The following TBC1D5 variants were observed in gnomAD, a reference collection of about 807,000 sequenced individuals.
TBC1D5 encodes the protein TBC1 domain family member 5.
In TBC1D5, 75 loss-of-function variants were observed where a neutral mutation model predicts 100.3. That is an observed-to-expected ratio of 0.75 (90% confidence interval 0.62 to 0.91). The LOEUF (loss-of-function observed/expected upper bound fraction) is 0.91, where lower values mean the gene tolerates loss of function less well. Ranked by LOEUF, TBC1D5 falls within the 40% of genes least tolerant of loss-of-function variation. TBC1D5 has a pLI of 0.00. For synonymous variants in TBC1D5, 323 were observed against 325.6 expected, an observed-to-expected ratio of 0.99 and a Z score of 0.09; for missense variants, 910 against 942.4, an observed-to-expected ratio of 0.97 and a Z score of 0.45.
At chr3:17,446,941 A>T (rs931824510) in intron 3 of TBC1D5, among the ~76,000 whole-genome samples, 2 of 151,858 alleles carry the variant, frequency 1.3e-5, no homozygotes, top group African/African-American at 4.8e-5. Flanking sequence ...ACTGCACTCC[A>T]GCCTGGGCGA....
chr3:17,550,097 G>A (rs1332700804), intron 2 of TBC1D5, among the ~76,000 whole-genome samples: 1 of 152,020 alleles, frequency 6.6e-6, no homozygotes, highest in Non-Finnish European at 1.5e-5. Flanking sequence ...AATTTAATAT[G>A]AAGGATGATG....
chr3:17,511,394 TTTC>T, intron 2 of TBC1D5, among the ~76,000 whole-genome samples: 1 of 152,148 alleles, frequency 6.6e-6, no homozygotes, highest in South Asian at 2.1e-4. Context: ...AGTAGCTGAA[TTTC>T]TTATTTTTAC....
intron 3 of TBC1D5, among the ~76,000 whole-genome samples, chr3:17,437,288 T>C (rs2094552747): frequency 6.6e-6 from 1 of 152,288 alleles, no homozygotes; most frequent in South Asian, 2.1e-4. Flanking sequence ...TCTGCTATGA[T>C]AACACAAAAC....
intron 2 of TBC1D5, among the ~76,000 whole-genome samples, chr3:17,529,648 TA>T (rs201044762): frequency 0.057 from 8,592 of 151,742 alleles, 507 homozygotes; most frequent in African/African-American, 0.15. Context: ...TTATTATTAT[TA>T]TTTTTATTTT....
At chr3:17,507,193 C>T (rs73153069) in intron 3 of TBC1D5, among the ~76,000 whole-genome samples, 10,486 of 152,066 alleles carry the variant, frequency 0.069, 712 homozygotes, top group African/African-American at 0.18. Flanking sequence ...TATTTAACTA[C>T]GAATGCTTCT....
At chr3:17,540,810 G>C (rs971105821) in intron 2 of TBC1D5, among the ~76,000 whole-genome samples, 2 of 149,936 alleles carry the variant, frequency 1.3e-5, no homozygotes, top group Admixed American at 6.7e-5. Context: ...GGGAAGCTGA[G>C]GCAGGAGAAT....
chr3:17,240,877 T>C (rs2149088721), intron 16 of TBC1D5, among the ~76,000 whole-genome samples: 1 of 152,286 alleles, frequency 6.6e-6, no homozygotes, highest in South Asian at 2.1e-4. Flanking sequence ...TAGAGCATTA[T>C]CAAGAGAATA....
intron 2 of TBC1D5, among the ~76,000 whole-genome samples, chr3:17,578,903 C>CA (rs1409610877): frequency 4.0e-5 from 6 of 151,870 alleles, no homozygotes; most frequent in Admixed American, 1.3e-4. Flanking sequence ...CTAAATAATC[C>CA]AAAACCCTGA....
chr3:17,392,520 C>T (rs925758927), intron 8 of TBC1D5, among the ~76,000 whole-genome samples: 19 of 152,172 alleles, frequency 1.2e-4, no homozygotes, highest in Middle Eastern at 3.4e-3. Flanking sequence ...CCTAAACCCC[C>T]GACCCCGCAA....
chr3:17,434,333 T>C (rs1362501436), intron 3 of TBC1D5, among the ~76,000 whole-genome samples: 3 of 152,334 alleles, frequency 2.0e-5, no homozygotes, highest in South Asian at 4.1e-4. Context: ...CCATATATCA[T>C]CTGAAATCTA....
chr3:17,598,506 T>C (rs1408745399), intron 2 of TBC1D5, among the ~76,000 whole-genome samples: 3 of 152,228 alleles, frequency 2.0e-5, no homozygotes, highest in Non-Finnish European at 2.9e-5. Flanking sequence ...AACATTTGTT[T>C]CAGAGTTCTT....
chr3:17,468,577 T>A (rs959840380), intron 3 of TBC1D5, among the ~76,000 whole-genome samples: 9 of 152,188 alleles, frequency 5.9e-5, no homozygotes, highest in African/African-American at 2.2e-4. Flanking sequence ...TCTGTTAGAA[T>A]GCAAGCTCCA....
chr3:17,508,467 A>T lies in TBC1D5; in HGVS notation c.97+7T>A. 6.2e-7 allele frequency: 1 copy of T among 1,611,154 alleles called. No homozygotes were observed. The highest frequency in any genetic ancestry group is 2.2e-5 in the East Asian group (1 of 44,834). On this transcript the variant is annotated splice_region_variant and intron_variant, in intron 3 of 21. Coordinates refer to ENST00000253692, the Ensembl canonical transcript of TBC1D5. ...ACCTACAAATAGTATTGGCATACAA[A>T]ACTCACCTCCAGACTTGTTAGAGTA... is the stretch of plus-strand genomic sequence containing the variant.
intron 2 of TBC1D5, among the ~76,000 whole-genome samples, chr3:17,589,026 T>C (rs1444085853): frequency 6.6e-6 from 1 of 152,228 alleles, no homozygotes; most frequent in Admixed American, 6.5e-5. Context: ...TAAATTTGTA[T>C]ATAACCAGTG....
chr3:17,573,459 T>A (rs774815334), intron 2 of TBC1D5, among the ~76,000 whole-genome samples: 2 of 152,078 alleles, frequency 1.3e-5, no homozygotes, highest in African/African-American at 2.4e-5. Flanking sequence ...GCACTGCAAT[T>A]TGAAACTATT....
chr3:17,557,853 A>G (rs1377514260), intron 2 of TBC1D5, among the ~76,000 whole-genome samples: 4 of 152,326 alleles, frequency 2.6e-5, no homozygotes, highest in Middle Eastern at 3.4e-3. Flanking sequence ...AGACACAAAG[A>G]AAGACACAGC....
intron 2 of TBC1D5, among the ~76,000 whole-genome samples, chr3:17,540,954 A>C (rs2096348902): frequency 6.6e-6 from 1 of 151,370 alleles, no homozygotes; most frequent in African/African-American, 2.4e-5. Flanking sequence ...AAAAAGAAAA[A>C]AATCAGTTGA....
At chr3:17,374,393 C>G in intron 12 of TBC1D5, 78 bp downstream of exon 12, 1 of 1,378,066 alleles carries the variant, frequency 7.3e-7, no homozygotes, top group Non-Finnish European at 9.9e-7. Context: ...ATATACTATT[C>G]TTTGGTTACA....
At chr3:17,538,351 C>A (rs956512131) in intron 2 of TBC1D5, among the ~76,000 whole-genome samples, 1 of 152,114 alleles carries the variant, frequency 6.6e-6, no homozygotes. Flanking sequence ...GCCTCTTATA[C>A]GACCTTCCAA....
Sources: allele counts gnomAD v4.1 joint callset (sites outside exome capture counted in the v4.1 genomes callset), GRCh38; gene constraint gnomAD v4.1.1; transcripts MANE v1.5; gene names NCBI Gene and HGNC (gene_info 2026-07-23, HGNC 2026-07-21).